The following CACNA1A variants were observed in gnomAD, a reference collection of about 807,000 sequenced individuals.
CACNA1A encodes voltage-dependent P/Q-type calcium channel subunit alpha-1A.
CACNA1A carries 57 observed loss-of-function variants against 262.4 expected under a neutral mutation model. The ratio of observed to expected loss-of-function variants is 0.22; its 90% CI spans 0.18 to 0.27. The LOEUF is 0.27. Among genes scored for constraint, CACNA1A ranks in the 10% least tolerant of loss-of-function variants. The pLI, the probability that CACNA1A is intolerant of heterozygous loss-of-function variation, is 1.00. For missense variants in CACNA1A, 2,526 were observed against 3,562.8 expected, an observed-to-expected ratio of 0.71 and a Z score of 7.41; for synonymous variants, 1,431 against 1,419.3, an observed-to-expected ratio of 1.01 and a Z score of -0.18.
In CACNA1A at chr19:13,477,821, C is replaced by T. The variant is rs191483860; in HGVS notation, c.294-22609G>A. Among the ~76,000 whole-genome samples, 264 of 152,256 alleles carry T rather than the reference C, an allele frequency of 1.7e-3. 1 individual carries two copies. Among genetic ancestry groups the T allele is most frequent in the African/African-American group, 5.9e-3 (245 of 41,546 alleles). ...TATGATCTGAATGTTCTATAGAAGC[C>T]GCCTTTCCATTATGCAACTGTGGTG... On this transcript the variant is annotated intron_variant, in intron 1 of 46. Transcript: ENST00000360228.
At position 13,360,265 on chromosome 19, in the gene CACNA1A, G is replaced by A. The variant is rs1277948401; in HGVS notation, c.785-466C>T. On this transcript the variant is annotated intron_variant, in intron 5 of 46. Transcript: ENST00000360228. Reference sequence around the variant, plus strand: ...ATTAGGTGTCTGTGTGTGTGTGTGTGTATATATATATATATATATATGAAG... The same window carrying A: ...ATTAGGTGTCTGTGTGTGTGTGTGTATATATATATATATATATATATGAAG... Among the ~76,000 whole-genome samples, 68 of 124,220 alleles carry A rather than the reference G, an allele frequency of 5.5e-4. 1 individual carries two copies. Among genetic ancestry groups the A allele is most frequent in the East Asian group, 4.0e-3 (14 of 3,516 alleles). The allele number at this position is 124,220 out of a possible 152,430, so 81.5% of individuals were successfully genotyped here.
chr19:13,348,647 C>T (rs2058840760), intron 6 of CACNA1A, among the ~76,000 whole-genome samples: 1 of 152,144 alleles, frequency 6.6e-6, no homozygotes, highest in African/African-American at 2.4e-5. Context: ...ACCATCCTGG[C>T]CAACATGGTG....
At chr19:13,326,904 GTT>G (rs111538186) in intron 10 of CACNA1A, among the ~76,000 whole-genome samples, 1 of 144,370 alleles carries the variant, frequency 6.9e-6, no homozygotes, top group African/African-American at 2.5e-5. Context: ...ACTTTTTTTT[GTT>G]TTTTTTTTTG....
chr19:13,286,714 G>T lies in CACNA1A; in HGVS notation c.3342C>A (p.Thr1114=). The change falls in exon 20 of 47, where the codon ACC becomes ACA. Residue 1114 remains threonine, a synonymous_variant. Coordinates refer to ENST00000360228, the MANE Select transcript of CACNA1A (RefSeq NM_001127222.2). Reference sequence around the variant, plus strand: ...GGCGGCTGGCGGCGTTCTGGGGGTTGGTGGCCATGGCAGGGATGGCCAGCA... The same window carrying T: ...GGCGGCTGGCGGCGTTCTGGGGGTTTGTGGCCATGGCAGGGATGGCCAGCA... ...GPMLAIPAMA[T]NPQNAASRRT... 1 of 1,593,630 alleles carries T rather than the reference G, an allele frequency of 6.3e-7. No individual in the cohort carries two copies. Among genetic ancestry groups the T allele is most frequent in the Non-Finnish European group, 8.6e-7 (1 of 1,168,764 alleles).
intron 24 of CACNA1A, chr19:13,263,139 C>A: frequency 3.1e-6 from 1 of 318,148 alleles, no homozygotes; most frequent in Non-Finnish European, 6.0e-6. Context: ...AGGGGGTTGG[C>A]TGATTCCCCA....
chr19:13,368,722 C>A (rs2144542967), intron 4 of CACNA1A, among the ~76,000 whole-genome samples: 1 of 152,228 alleles, frequency 6.6e-6, no homozygotes. Context: ...AGGGGCCATG[C>A]CACTCCAAGG....
At chr19:13,215,953 C>T (rs1055841133) in intron 38 of CACNA1A, among the ~76,000 whole-genome samples, 1 of 152,062 alleles carries the variant, frequency 6.6e-6, no homozygotes, top group South Asian at 2.1e-4. Context: ...CAGGGTTTTG[C>T]TCTGTCGCCC....
chr19:13,230,194 C>T lies in CACNA1A; in HGVS notation c.5416G>A (p.Val1806Ile). The change falls in exon 36 of 47, where the codon GTC becomes ATC. Residue 1806 changes from valine to isoleucine, a missense_variant. By Grantham distance (29) the Val-to-Ile change is conservative. This residue lies in a region of CACNA1A where 39 missense variants were observed against 124.9 expected (regional missense o/e 0.31). Coordinates refer to ENST00000360228, the MANE Select transcript of CACNA1A (RefSeq NM_001127222.2). Reference protein sequence around the residue: ...LCSFLMLNLFVAVIMDNFEYL... With the variant: ...LCSFLMLNLFIAVIMDNFEYL... The stretch of plus-strand genomic sequence containing the variant: ...TCAAAGTTGTCCATGATGACGGCGA[C>T]AAAGAGATTCAGCATCTGTGGGGAC... The T allele has an allele frequency of 1.2e-6, 2 of 1,613,730 alleles. No homozygotes were observed. Among genetic ancestry groups the T allele is most frequent in the Non-Finnish European group, 1.7e-6 (2 of 1,179,832 alleles).
At chr19:13,483,362 A>C (rs188001905) in intron 1 of CACNA1A, among the ~76,000 whole-genome samples, 5 of 152,222 alleles carry the variant, frequency 3.3e-5, no homozygotes, top group Admixed American at 2.6e-4. Context: ...TACAGCAGCA[A>C]GCATATCCTA....
chr19:13,447,968 C>T (rs2060845822), intron 3 of CACNA1A, among the ~76,000 whole-genome samples: 1 of 151,946 alleles, frequency 6.6e-6, no homozygotes, highest in Admixed American at 6.6e-5. Flanking sequence ...ACAGACACAC[C>T]CAGGAACAAG....
Position 13,212,091 on chromosome 19 carries a change from G to C in CACNA1A, c.6303+12C>G. Reference sequence around the variant, plus strand: ...AGGGGTCCAGCCCCAGGGCAGTGGTGAAAGCCCTCACCTGGTTCTCTGCAG... The same window carrying C: ...AGGGGTCCAGCCCCAGGGCAGTGGTCAAAGCCCTCACCTGGTTCTCTGCAG... On this transcript the variant is annotated intron_variant, in intron 43 of 46. Coordinates refer to ENST00000360228, the MANE Select transcript of CACNA1A (RefSeq NM_001127222.2). This position sits in a 1 kb window ranked among gnomAD's most constrained non-coding sequence, Gnocchi z 5.6. 3.1e-6 allele frequency: 5 copies of C among 1,591,488 alleles called. No individual in the cohort carries two copies. The highest frequency in any genetic ancestry group is 4.3e-6 in the Non-Finnish European group (5 of 1,161,502).
At chr19:13,384,128 A>C (rs1599337052) in intron 3 of CACNA1A, among the ~76,000 whole-genome samples, 2 of 152,064 alleles carry the variant, frequency 1.3e-5, no homozygotes, top group South Asian at 4.1e-4. Flanking sequence ...ACTGTTTATT[A>C]AGTCGTATTT....
intron 1 of CACNA1A, among the ~76,000 whole-genome samples, chr19:13,483,684 T>C (rs1156940302): frequency 6.6e-6 from 1 of 152,092 alleles, no homozygotes; most frequent in Non-Finnish European, 1.5e-5. Context: ...CTGCAAAAAG[T>C]AGAGCCAAGA....
At chr19:13,370,974 C>T (rs10854124) in intron 4 of CACNA1A, 75,532 of 151,742 alleles carry the variant, frequency 0.5, 20,480 homozygotes, top group African/African-American at 0.72. Flanking sequence ...GCTCAACCTA[C>T]ACTTAATCTT....
At position 13,208,839 on chromosome 19, in the gene CACNA1A, G is replaced by A; in HGVS notation, c.6697C>T (p.Pro2233Ser). The A allele has an allele frequency of 6.5e-7, 1 of 1,540,078 alleles. No individual in the cohort carries two copies. Among genetic ancestry groups the A allele is most frequent in the African/African-American group, 1.4e-5 (1 of 73,468 alleles). Residue 2233 changes from proline (P) to serine (S), a missense_variant, in exon 46 of 47, where the codon CCG becomes TCG. Pro to Ser is a moderately conservative substitution (Grantham distance 74). Around this residue, in one of 17 missense-constraint regions of CACNA1A, gnomAD observed 929 missense variants for 868.1 expected, o/e 1.07. Transcript: ENST00000360228. ...PDKDRYAQERPDHGRARARDQ... is the reference protein window; with the variant it reads ...PDKDRYAQERSDHGRARARDQ... ...CGAGCCCGTGCCCGGCCGTGGTCCGGCCGTTCCTGGGCATAGCGGTCCTTG... is the reference window on the plus strand; with the variant it reads ...CGAGCCCGTGCCCGGCCGTGGTCCGACCGTTCCTGGGCATAGCGGTCCTTG...
intron 3 of CACNA1A, among the ~76,000 whole-genome samples, chr19:13,430,454 C>T (rs149856956): frequency 1.1e-3 from 167 of 152,234 alleles, no homozygotes; most frequent in African/African-American, 3.7e-3. Context: ...TATCTGCCCG[C>T]CTCGGCCTCC....
At chr19:13,309,156 C>T (rs2057965738) in intron 12 of CACNA1A, among the ~76,000 whole-genome samples, 1 of 151,940 alleles carries the variant, frequency 6.6e-6, no homozygotes, top group African/African-American at 2.4e-5. Context: ...TTACAGGCAC[C>T]CGCCACCACG....
intron 1 of CACNA1A, among the ~76,000 whole-genome samples, chr19:13,466,671 C>T (rs903162149): frequency 2.4e-5 from 3 of 124,120 alleles, no homozygotes. Flanking sequence ...ACTGCTGCTG[C>T]TGCTGCTACT....
chr19:13,261,649 G>C (rs777690671), intron 25 of CACNA1A, 39 bp from the exon 26 acceptor site: 40 of 1,585,452 alleles, frequency 2.5e-5, no homozygotes, highest in Admixed American at 5.4e-5. Context: ...AGGGGCTGGG[G>C]ACCTGCCCAA....
Sources: allele counts gnomAD v4.1 joint callset (sites outside exome capture counted in the v4.1 genomes callset), GRCh38; gene constraint gnomAD v4.1.1; regional missense constraint gnomAD v4.1.1; non-coding constraint Gnocchi (gnomAD v3.1); transcripts MANE v1.5; gene names NCBI Gene and HGNC (gene_info 2026-07-23, HGNC 2026-07-21).